SBNO1: variants seen among roughly 807,000 people sequenced by gnomAD.
SBNO1 encodes protein strawberry notch homolog 1.
In SBNO1, 23 loss-of-function variants were observed where a neutral mutation model predicts 173.6. The observed-to-expected ratio is 0.13, with a 90% CI of 0.10 to 0.19. SBNO1 has a LOEUF of 0.19. SBNO1 is among the 10% of genes least tolerant of loss of function. The pLI is 1.00. For missense variants in SBNO1, 1,238 were observed against 1,671.2 expected (o/e 0.74, Z 4.52); for synonymous variants, 632 against 571.5 (o/e 1.11, Z -1.51).
At position 123,293,036 on chromosome 12, in the gene SBNO1, T is replaced by C. The variant is rs931088162; in HGVS notation, c.*2872A>G. 11 of 152,328 alleles carry C rather than the reference T, an allele frequency of 7.2e-5. No homozygotes were observed. Among genetic ancestry groups the C allele is most frequent in the East Asian group, 1.9e-4 (1 of 5,186 alleles). The allele number at this position is 152,328 out of a possible 1,614,324, so 9.4% of individuals were successfully genotyped here. ...ACTCTGGAAGTGGTTTTCAGTACAA[T>C]TGACGCTGTAAACTCTGAAAACACG... On this transcript the variant is annotated 3_prime_UTR_variant, in exon 32 of 32. Transcript: ENST00000602398.
Position 123,298,045 on chromosome 12 carries a change from A to G in SBNO1, c.3972T>C (p.Ser1324=), listed in dbSNP as rs1319990682. 6.2e-7 allele frequency: 1 copy of G among 1,614,120 alleles called. No homozygotes were observed. Among genetic ancestry groups the G allele is most frequent in the Admixed American group, 1.7e-5 (1 of 59,988 alleles). The change falls in exon 31 of 32, where the codon TCT becomes TCC. Residue 1324 remains serine (S), a synonymous_variant. Coordinates refer to ENST00000602398, the MANE Select transcript of SBNO1 (RefSeq NM_001167856.3). Reference sequence around the variant, plus strand: ...GCATCTTCACGTTTGTGCCACTGACAGATGCTAGAACACCCTCAACTTTTG... The same window carrying G: ...GCATCTTCACGTTTGTGCCACTGACGGATGCTAGAACACCCTCAACTTTTG... ...VWTKVEGVLA[S]VSGTNVKMQI...
intron 1 of SBNO1, among the ~76,000 whole-genome samples, chr12:123,363,692 GTTCTT>G (rs1875684442): frequency 1.3e-5 from 2 of 152,164 alleles, no homozygotes; most frequent in East Asian, 3.9e-4. Flanking sequence ...TTTCTGGCCC[GTTCTT>G]TTCCCACGTT....
intron 28 of SBNO1, among the ~76,000 whole-genome samples, 184 bp downstream of exon 28, chr12:123,309,126 T>A (rs1197802829): frequency 6.6e-6 from 1 of 151,980 alleles, no homozygotes; most frequent in Non-Finnish European, 1.5e-5. Flanking sequence ...CCTAATAACA[T>A]CCTTTAAAAT....
intron 9 of SBNO1, among the ~76,000 whole-genome samples, chr12:123,329,374 CT>C (rs60825775): frequency 0.12 from 15,649 of 133,682 alleles, 2,449 homozygotes; most frequent in African/African-American, 0.36. Flanking sequence ...GAGCTGAGAT[CT>C]TTTTTTTTTT....
At chr12:123,338,465 G>A (rs1237855829) in intron 5 of SBNO1, among the ~76,000 whole-genome samples, 2 of 152,140 alleles carry the variant, frequency 1.3e-5, no homozygotes, top group East Asian at 3.9e-4. Context: ...GGTGAATCAC[G>A]AGGTCAGGAG....
rs747046542 is a variant in SBNO1, at chr12:123,345,433, C to A, written c.375G>T (p.Gln125His). ...RQTITLTKFI[Q>H]TTASTRPSVS... ...CTGACGGGCGTGTGCTTGCAGTAGT[C>A]TGGATAAACTTAGTTAAAGTGATGG... The change falls in exon 4 of 32, where the codon CAG becomes CAT. Residue 125 changes from glutamine (Q) to histidine (H), a missense_variant. Coordinates refer to ENST00000602398, the MANE Select transcript of SBNO1 (RefSeq NM_001167856.3). The A allele has an allele frequency of 3.0e-5, 48 of 1,614,034 alleles. No individual in the cohort carries two copies. The South Asian group carries it at 5.1e-4, about 17-fold the overall frequency.
intron 24 of SBNO1, 39 bp downstream of exon 24, chr12:123,313,581 A>C (rs771698111): frequency 1.4e-5 from 15 of 1,080,122 alleles, no homozygotes; most frequent in Non-Finnish European, 5.6e-6. Flanking sequence ...ATCTTTGTCA[A>C]TAATCATTGT....
chr12:123,352,860 C>T (rs1199281186), intron 1 of SBNO1, among the ~76,000 whole-genome samples: 4 of 152,130 alleles, frequency 2.6e-5, no homozygotes, highest in South Asian at 2.1e-4. Flanking sequence ...TGCAGTGGCG[C>T]GATCTCGGCT....
At position 123,309,704 on chromosome 12, in the gene SBNO1, A is replaced by C. The variant is rs745799190; in HGVS notation, c.3442+6T>G. ...ACATTGTGGGGGGGAAATTTTCCCT[A>C]CTTACCTAAGATTCCCATATCATAT... On this transcript the variant is annotated splice_donor_region_variant and intron_variant, in intron 26 of 31. Coordinates refer to ENST00000602398, the MANE Select transcript of SBNO1 (RefSeq NM_001167856.3). 3 of 1,610,722 alleles carry C rather than the reference A, an allele frequency of 1.9e-6. No individual in the cohort carries two copies. The highest frequency in any genetic ancestry group is 2.5e-6 in the Non-Finnish European group (3 of 1,178,810).
At position 123,325,359 on chromosome 12, in the gene SBNO1, GA is replaced by G. The variant is rs1372915204; in HGVS notation, c.1973+142del. ...GTTTTCCAATAGATACACTGTTACA[GA>G]AAAGCAGAAAACTCAGATCAAGAAA... is the stretch of plus-strand genomic sequence containing the variant. On this transcript the variant is annotated intron_variant, in intron 15 of 31. Coordinates refer to ENST00000602398, the MANE Select transcript of SBNO1 (RefSeq NM_001167856.3). The G allele has an allele frequency of 2.6e-5, 16 of 617,342 alleles. No individual in the cohort carries two copies. The Middle Eastern group carries it at 1.9e-3, about 75-fold the overall frequency. The allele number at this position is 617,342 out of a possible 1,614,324, so 38.2% of individuals were successfully genotyped here.
chr12:123,333,102 C>G (rs11611694), intron 7 of SBNO1, among the ~76,000 whole-genome samples: 1 of 151,638 alleles, frequency 6.6e-6, no homozygotes, highest in Non-Finnish European at 1.5e-5. Context: ...CCAGCCTGGA[C>G]GACACAGTGA....
At chr12:123,347,537 GTTTT>G (rs754616796) in intron 3 of SBNO1, among the ~76,000 whole-genome samples, 1 of 140,960 alleles carries the variant, frequency 7.1e-6, no homozygotes, top group Non-Finnish European at 1.5e-5. Flanking sequence ...CTTTTTTTAT[GTTTT>G]TTGAGATGAA....
Position 123,291,679 on chromosome 12 carries a change from T to TAAAAAAAAAAAAAAAA in SBNO1, c.*4213_*4228dup. 2 of 118,622 alleles carry TAAAAAAAAAAAAAAAA rather than the reference T, an allele frequency of 1.7e-5. 1 individual carries two copies. Among genetic ancestry groups the TAAAAAAAAAAAAAAAA allele is most frequent in the Non-Finnish European group, 3.5e-5 (2 of 57,938 alleles). The allele number at this position is 118,622 out of a possible 1,614,324, so 7.3% of individuals were successfully genotyped here. A position where few individuals can be genotyped will look rare whatever the true frequency, so the allele number is the denominator to read the frequency against. ...AATGAAAAGTTTTCCATACTTTTCTTAAAAAAAAAAAAAAAAAAAAGTCAT... is the reference window on the plus strand; with the variant it reads ...AATGAAAAGTTTTCCATACTTTTCTTAAAAAAAAAAAAAAAAAAAAAAAAAAAAAAAAAAAAGTCAT... On this transcript the variant is annotated 3_prime_UTR_variant, in exon 32 of 32. Transcript: ENST00000602398.
At chr12:123,322,508 G>A (rs987829527) in intron 16 of SBNO1, among the ~76,000 whole-genome samples, 13 of 152,038 alleles carry the variant, frequency 8.6e-5, no homozygotes, top group African/African-American at 3.1e-4. Flanking sequence ...ATGTTGGCCA[G>A]GCTGGTCTCG....
intron 1 of SBNO1, among the ~76,000 whole-genome samples, chr12:123,359,442 A>G (rs1365147541): frequency 6.6e-6 from 1 of 151,668 alleles, no homozygotes; most frequent in African/African-American, 2.4e-5. Context: ...CACACTTGTA[A>G]TCCCAGTTAC....
intron 16 of SBNO1, among the ~76,000 whole-genome samples, chr12:123,323,058 G>A (rs535771861): frequency 6.6e-6 from 1 of 152,096 alleles, no homozygotes; most frequent in Non-Finnish European, 1.5e-5. Flanking sequence ...ATCTTTCTGT[G>A]CTTCAATGAT....
At chr12:123,353,465 A>AT (rs1874108160) in intron 1 of SBNO1, among the ~76,000 whole-genome samples, 2 of 152,182 alleles carry the variant, frequency 1.3e-5, no homozygotes, top group Admixed American at 6.6e-5. Context: ...TAAACGCCAG[A>AT]TTGAGATTAA....
chr12:123,352,661 G>A (rs1258018295), intron 1 of SBNO1, among the ~76,000 whole-genome samples: 5 of 152,190 alleles, frequency 3.3e-5, no homozygotes, highest in Admixed American at 1.3e-4. Flanking sequence ...CCTCTACTGC[G>A]TCTATGTCAC....
At chr12:123,326,958 G>T (rs933907675) in intron 13 of SBNO1, among the ~76,000 whole-genome samples, 2 of 152,018 alleles carry the variant, frequency 1.3e-5, no homozygotes, top group Non-Finnish European at 2.9e-5. Flanking sequence ...AAAACACATT[G>T]GTTAAACAGC....
Sources: allele counts gnomAD v4.1 joint callset (sites outside exome capture counted in the v4.1 genomes callset), GRCh38; gene constraint gnomAD v4.1.1; transcripts MANE v1.5; gene names NCBI Gene and HGNC (gene_info 2026-07-23, HGNC 2026-07-21).